NAALADL2: variants seen among roughly 807,000 people sequenced by gnomAD.
NAALADL2 encodes the protein inactive N-acetylated-alpha-linked acidic dipeptidase-like protein 2.
Under a neutral mutation model 87.2 loss-of-function variants are expected in NAALADL2, and 76 were observed. The observed-to-expected ratio is 0.87, with a 90% confidence interval of 0.72 to 1.05. The LOEUF (loss-of-function observed/expected upper bound fraction) is 1.05. Among genes scored for constraint, NAALADL2 ranks in the 50% least tolerant of loss-of-function variants. The pLI is 0.00. For synonymous variants in NAALADL2, 354 were observed against 331.0 expected, an observed-to-expected ratio of 1.07 and a Z score of -0.75; for missense variants, 1,089 against 945.8, an observed-to-expected ratio of 1.15 and a Z score of -1.99.
At chr3:175,199,249 T>C (rs899196581) in intron 2 of NAALADL2, among the ~76,000 whole-genome samples, 7 of 152,126 alleles carry the variant, frequency 4.6e-5, no homozygotes, top group Non-Finnish European at 1.0e-4. Flanking sequence ...TCTGGATTTA[T>C]GCTTCATCTA....
chr3:174,800,684 T>C (rs1339865147), intron 3 of NAALADL2, among the ~76,000 whole-genome samples: 1 of 152,072 alleles, frequency 6.6e-6, no homozygotes, highest in Non-Finnish European at 1.5e-5. Context: ...TCCACCAACA[T>C]CTTGCACTGT....
At chr3:174,937,743 G>A (rs1037622560) in intron 1 of NAALADL2, among the ~76,000 whole-genome samples, 2 of 151,976 alleles carry the variant, frequency 1.3e-5, no homozygotes, top group Non-Finnish European at 1.5e-5. Context: ...GCTTATGTGA[G>A]TCATTTACTT....
At chr3:174,515,057 C>A (rs534735880) in intron 1 of NAALADL2, among the ~76,000 whole-genome samples, 1 of 152,086 alleles carries the variant, frequency 6.6e-6, no homozygotes, top group South Asian at 2.1e-4. Flanking sequence ...AACAAAGATT[C>A]TGAGGGAGCA....
chr3:174,980,136 T>C (rs972515329), intron 1 of NAALADL2, among the ~76,000 whole-genome samples: 6 of 152,212 alleles, frequency 3.9e-5, no homozygotes, highest in African/African-American at 1.4e-4. Flanking sequence ...CTGATCTCCC[T>C]ATCTTAGAAT....
chr3:174,904,074 T>C (rs1281806190), intron 1 of NAALADL2, among the ~76,000 whole-genome samples: 2 of 151,706 alleles, frequency 1.3e-5, no homozygotes, highest in South Asian at 2.1e-4. Context: ...TACAGAGATA[T>C]ATAGTTATAT....
intron 2 of NAALADL2, among the ~76,000 whole-genome samples, chr3:175,140,606 G>T (rs577181699): frequency 6.6e-6 from 1 of 152,090 alleles, no homozygotes; most frequent in Non-Finnish European, 1.5e-5. Flanking sequence ...ACATACCATG[G>T]GGGGAGGTGC....
chr3:175,224,612 C>A (rs1270594508), intron 2 of NAALADL2, among the ~76,000 whole-genome samples: 1 of 152,128 alleles, frequency 6.6e-6, no homozygotes, highest in African/African-American at 2.4e-5. Context: ...TGAAAGTCTG[C>A]TCTTCTGGTA....
intron 1 of NAALADL2, among the ~76,000 whole-genome samples, chr3:175,008,748 T>TA (rs145778319): frequency 6.6e-6 from 1 of 151,872 alleles, no homozygotes; most frequent in African/African-American, 2.4e-5. Context: ...GGTTATAGGG[T>TA]AGGCTAGGGT....
chr3:174,611,765 A>G (rs1474550761), intron 2 of NAALADL2, among the ~76,000 whole-genome samples: 2 of 140,786 alleles, frequency 1.4e-5, no homozygotes, highest in Non-Finnish European at 3.1e-5. Context: ...TAATTTTTGT[A>G]TTTTTTTTTT....
chr3:175,113,136 T>C (rs1378431902), intron 2 of NAALADL2, among the ~76,000 whole-genome samples: 1 of 151,634 alleles, frequency 6.6e-6, no homozygotes, highest in Non-Finnish European at 1.5e-5. Flanking sequence ...CTGAATACCA[T>C]GAGAAATCAG....
chr3:174,883,624 A>G (rs753335834), intron 1 of NAALADL2, among the ~76,000 whole-genome samples: 2 of 152,202 alleles, frequency 1.3e-5, no homozygotes, highest in African/African-American at 2.4e-5. Context: ...TTAACAAAAG[A>G]AGGAGTGAAT....
chr3:174,879,356 A>G (rs540070095), intron 1 of NAALADL2, among the ~76,000 whole-genome samples: 23 of 152,190 alleles, frequency 1.5e-4, no homozygotes, highest in Admixed American at 7.2e-4. Context: ...AGATTGGCAC[A>G]ATACTGTCTC....
At chr3:174,468,774 T>G (rs982933096) in intron 1 of NAALADL2, among the ~76,000 whole-genome samples, 18 of 151,066 alleles carry the variant, frequency 1.2e-4, no homozygotes, top group African/African-American at 3.4e-4. Flanking sequence ...TTTTTTTTTT[T>G]TTTTTGAGAC....
At chr3:175,419,705 A>G (rs2149117136) in intron 5 of NAALADL2, among the ~76,000 whole-genome samples, 1 of 152,004 alleles carries the variant, frequency 6.6e-6, no homozygotes, top group East Asian at 1.9e-4. Context: ...TCCCATGATG[A>G]CCTAGATATA....
chr3:175,510,382 G>A (rs1444401977), intron 9 of NAALADL2, among the ~76,000 whole-genome samples: 1 of 152,060 alleles, frequency 6.6e-6, no homozygotes, highest in Non-Finnish European at 1.5e-5. Context: ...AAAATTGGAG[G>A]TCCCTTCTGT....
rs111679173 is a variant in NAALADL2, at chr3:174,960,760, G to T, written c.43+101310G>T. Among the ~76,000 whole-genome samples the T allele has an allele frequency of 7.0e-4, 106 of 152,052 alleles. 1 individual carries two copies. Among genetic ancestry groups the T allele is most frequent in the Middle Eastern group, 6.8e-3 (2 of 292 alleles). On this transcript the variant is annotated intron_variant, in intron 1 of 13. Coordinates refer to ENST00000454872, the MANE Select transcript of NAALADL2 (RefSeq NM_207015.3). ...TGGATTTTCTGAAAACCAGTGCAGG[G>T]TATTATAAGTACTTCCAACTAATCT...
At chr3:174,488,172 A>G (rs1578009626) in intron 1 of NAALADL2, among the ~76,000 whole-genome samples, 1 of 152,026 alleles carries the variant, frequency 6.6e-6, no homozygotes, top group East Asian at 1.9e-4. Flanking sequence ...TATACTGCTT[A>G]TATATTACTT....
At chr3:175,294,186 C>A (rs758733467) in intron 4 of NAALADL2, among the ~76,000 whole-genome samples, 1 of 152,142 alleles carries the variant, frequency 6.6e-6, no homozygotes, top group Non-Finnish European at 1.5e-5. Flanking sequence ...AGGCACCAAG[C>A]CAGCCTAGAC....
At chr3:175,749,511 A>G (rs1746364864) in intron 12 of NAALADL2, among the ~76,000 whole-genome samples, 1 of 151,934 alleles carries the variant, frequency 6.6e-6, no homozygotes, top group African/African-American at 2.4e-5. Flanking sequence ...TATCCTTTGG[A>G]GGAGGGGAAC....
Sources: gnomAD v4.1 joint callset for allele counts (sites outside exome capture counted in the v4.1 genomes callset) on GRCh38, gnomAD v4.1.1 for gene constraint, MANE v1.5 for transcripts, NCBI Gene and HGNC (gene_info 2026-07-23, HGNC 2026-07-21) for gene names.